The following PIBF1 variants were observed in gnomAD, a reference collection of about 807,000 sequenced individuals.
PIBF1 encodes progesterone immunomodulatory binding factor 1, also known as progesterone-induced-blocking factor 1.
Under a neutral mutation model 112.5 loss-of-function variants are expected in PIBF1, and 90 were observed. The observed-to-expected ratio is 0.80, with a 90% CI of 0.67 to 0.95. The LOEUF is 0.95. Among genes scored for constraint, PIBF1 ranks in the 40% least tolerant of loss-of-function variants. PIBF1 has a pLI of 0.00. For synonymous variants in PIBF1, 301 were observed against 288.6 expected (o/e 1.04, Z -0.44); for missense variants, 915 against 852.3 (o/e 1.07, Z -0.92).
At chr13:72,910,892 C>G (rs1006796212) in intron 12 of PIBF1, among the ~76,000 whole-genome samples, 5 of 152,118 alleles carry the variant, frequency 3.3e-5, no homozygotes, top group Non-Finnish European at 7.4e-5. Context: ...AAGAACCACT[C>G]CCCCCAAAAT....
intron 10 of PIBF1, among the ~76,000 whole-genome samples, chr13:72,886,289 A>G (rs1024707637): frequency 2.0e-5 from 3 of 151,886 alleles, no homozygotes; most frequent in Admixed American, 6.6e-5. Flanking sequence ...AGCTGCATGA[A>G]ATAGAGTTTT....
At position 72,821,886 on chromosome 13, in the gene PIBF1, A is replaced by C. The variant is rs1370194362; in HGVS notation, c.710A>C (p.Gln237Pro). ...EEDRKNYSEV[Q>P]IRCQRLALEL... Reference sequence around the variant, plus strand: ...GATCGAAAAAACTACTCTGAAGTTCAAATTAGATGTCAACGTTTGGCCTTA... The same window carrying C: ...GATCGAAAAAACTACTCTGAAGTTCCAATTAGATGTCAACGTTTGGCCTTA... Residue 237 changes from glutamine to proline, a missense_variant, in exon 6 of 18, where the codon CAA becomes CCA. Physicochemically the swap from Gln to Pro is moderately conservative, Grantham distance 76. Transcript: ENST00000326291. The C allele has an allele frequency of 1.2e-6, 2 of 1,612,728 alleles. No homozygotes were observed. The highest frequency in any genetic ancestry group is 3.3e-5 in the Admixed American group (2 of 59,878).
chr13:72,869,673 G>C (rs2039080392), intron 10 of PIBF1, among the ~76,000 whole-genome samples: 1 of 151,638 alleles, frequency 6.6e-6, no homozygotes, highest in Non-Finnish European at 1.5e-5. Context: ...CCACTTATAA[G>C]AAAGTTATTA....
intron 5 of PIBF1, among the ~76,000 whole-genome samples, chr13:72,802,063 C>CA (rs2035509673): frequency 6.6e-6 from 1 of 152,160 alleles, no homozygotes; most frequent in African/African-American, 2.4e-5. Flanking sequence ...ATATAACATA[C>CA]AAAATATGTA....
intron 1 of PIBF1, among the ~76,000 whole-genome samples, chr13:72,782,631 G>T (rs568464828): frequency 3.5e-4 from 54 of 152,208 alleles, no homozygotes; most frequent in African/African-American, 1.3e-3. Context: ...AGCATAATTT[G>T]TTATATCATG....
chr13:72,861,461 G>A (rs1022332224), intron 10 of PIBF1, among the ~76,000 whole-genome samples: 17 of 152,092 alleles, frequency 1.1e-4, no homozygotes, highest in Non-Finnish European at 2.1e-4. Flanking sequence ...AAGAAGGCAT[G>A]GGAAATCAGA....
chr13:72,808,589 C>A (rs932878334), intron 5 of PIBF1, among the ~76,000 whole-genome samples: 4 of 152,148 alleles, frequency 2.6e-5, no homozygotes, highest in Admixed American at 1.3e-4. Flanking sequence ...GTTCAAATTT[C>A]AGTTCAATTT....
intron 11 of PIBF1, among the ~76,000 whole-genome samples, chr13:72,904,664 C>T (rs928112919): frequency 4.0e-5 from 6 of 151,740 alleles, no homozygotes; most frequent in African/African-American, 1.5e-4. Flanking sequence ...TGATCTCAAA[C>T]TCCTGACCTC....
At chr13:73,010,167 C>T (rs1038319471) in intron 17 of PIBF1, among the ~76,000 whole-genome samples, 4 of 151,318 alleles carry the variant, frequency 2.6e-5, no homozygotes, top group African/African-American at 9.7e-5. Context: ...GTAATGATCA[C>T]ACAGTTTCTC....
intron 10 of PIBF1, among the ~76,000 whole-genome samples, chr13:72,863,219 A>G (rs1318587248): frequency 6.6e-6 from 1 of 152,190 alleles, no homozygotes; most frequent in Non-Finnish European, 1.5e-5. Context: ...AAGAAGTAAA[A>G]AAACAGAGAC....
intron 16 of PIBF1, 173 bp downstream of exon 16, chr13:72,973,848 A>G (rs1308289636): frequency 1.4e-5 from 7 of 515,774 alleles, no homozygotes; most frequent in Non-Finnish European, 3.4e-6. Flanking sequence ...CTTAGAGTTA[A>G]TTCTTATTCC....
At chr13:72,844,728 TACACACACACACAC>T (rs1156334355) in intron 9 of PIBF1, among the ~76,000 whole-genome samples, 1,222 of 53,200 alleles carry the variant, frequency 0.023, 27 homozygotes, top group Admixed American at 0.054. Context: ...TAATTTTATT[TACACACACACACAC>T]ACACACACAC....
intron 2 of PIBF1, among the ~76,000 whole-genome samples, chr13:72,787,929 G>A (rs1462804857): frequency 6.6e-6 from 1 of 152,182 alleles, no homozygotes; most frequent in African/African-American, 2.4e-5. Flanking sequence ...CAAAGTGCAG[G>A]TGTGAAGCCA....
intron 9 of PIBF1, among the ~76,000 whole-genome samples, chr13:72,845,488 C>T (rs957843350): frequency 4.6e-5 from 7 of 152,034 alleles, no homozygotes; most frequent in Admixed American, 1.3e-4. Flanking sequence ...GATTTATATT[C>T]CTTTTATAGT....
At chr13:72,928,105 T>A (rs1016743164) in intron 13 of PIBF1, among the ~76,000 whole-genome samples, 2 of 148,842 alleles carry the variant, frequency 1.3e-5, no homozygotes, top group African/African-American at 2.5e-5. Flanking sequence ...GGTGAGTTTT[T>A]AAAATGTGAA....
intron 14 of PIBF1, among the ~76,000 whole-genome samples, chr13:72,932,683 G>C (rs977815209): frequency 6.6e-6 from 1 of 152,168 alleles, no homozygotes; most frequent in Non-Finnish European, 1.5e-5. Flanking sequence ...GCACCATACA[G>C]ATACAACAGA....
chr13:72,947,556 A>G (rs1275941535), intron 14 of PIBF1, among the ~76,000 whole-genome samples: 1 of 152,188 alleles, frequency 6.6e-6, no homozygotes, highest in Non-Finnish European at 1.5e-5. Context: ...TTTCTTTTCT[A>G]TCATATTGGC....
intron 9 of PIBF1, among the ~76,000 whole-genome samples, chr13:72,840,524 CTTT>C (rs575826319): frequency 1.6e-4 from 22 of 136,128 alleles, no homozygotes; most frequent in African/African-American, 4.1e-4. Context: ...CCCCAATAAA[CTTT>C]TTTTTTTTTT....
chr13:72,875,313 A>G (rs2039350126), intron 10 of PIBF1, among the ~76,000 whole-genome samples: 1 of 152,162 alleles, frequency 6.6e-6, no homozygotes, highest in African/African-American at 2.4e-5. Flanking sequence ...ACTGAAGGAC[A>G]TCTTGTTTGC....
Sources: gnomAD v4.1 joint callset for allele counts (sites outside exome capture counted in the v4.1 genomes callset) on GRCh38, gnomAD v4.1.1 for gene constraint, MANE v1.5 for transcripts, NCBI Gene and HGNC (gene_info 2026-07-23, HGNC 2026-07-21) for gene names.